The following FMN2 variants were observed in gnomAD, a reference collection of about 807,000 sequenced individuals.
The protein encoded by FMN2 is formin-2.
In FMN2, 51 loss-of-function variants were observed where a neutral mutation model predicts 142.3. That is an observed-to-expected ratio of 0.36 (90% CI 0.29 to 0.45). The LOEUF is 0.45. Among genes scored for constraint, FMN2 ranks in the 20% least tolerant of loss-of-function variants. FMN2 has a pLI of 1.00. For synonymous variants in FMN2, 882 were observed against 869.8 expected (o/e 1.01, Z -0.25); for missense variants, 1,936 against 2,122.8 (o/e 0.91, Z 1.73).
At chr1:240,166,236 ATT>A (rs1042645952) in intron 2 of FMN2, among the ~76,000 whole-genome samples, 1 of 150,070 alleles carries the variant, frequency 6.7e-6, no homozygotes. Flanking sequence ...ATTATTATTA[ATT>A]TTTTTTTGGA....
At chr1:240,446,241 T>C (rs1675808508) in intron 16 of FMN2, among the ~76,000 whole-genome samples, 1 of 152,210 alleles carries the variant, frequency 6.6e-6, no homozygotes, top group African/African-American at 2.4e-5. Flanking sequence ...CAAGAGGTGT[T>C]TTTAAAACTT....
intron 8 of FMN2, among the ~76,000 whole-genome samples, chr1:240,326,096 C>CGT (rs1325403929): frequency 1.3e-5 from 2 of 151,988 alleles, no homozygotes; most frequent in African/African-American, 2.4e-5. Context: ...AAGAATTGAC[C>CGT]GTGTGTGTGT....
intron 13 of FMN2, among the ~76,000 whole-genome samples, chr1:240,349,687 T>A (rs900947066): frequency 6.6e-6 from 1 of 152,204 alleles, no homozygotes; most frequent in African/African-American, 2.4e-5. Flanking sequence ...TCTGGCTGGG[T>A]TATTCTTTGT....
intron 6 of FMN2, among the ~76,000 whole-genome samples, chr1:240,241,757 T>C (rs1667903314): frequency 6.6e-6 from 1 of 151,802 alleles, no homozygotes; most frequent in African/African-American, 2.4e-5. Context: ...ATTGATTGGG[T>C]TGGATCATAA....
chr1:240,425,227 G>A (rs1173791624), intron 15 of FMN2, among the ~76,000 whole-genome samples: 1 of 151,802 alleles, frequency 6.6e-6, no homozygotes, highest in Non-Finnish European at 1.5e-5. Flanking sequence ...GAGAGAGAGA[G>A]AGAGAGAGCC....
intron 15 of FMN2, among the ~76,000 whole-genome samples, chr1:240,405,183 C>T (rs1674105646): frequency 6.6e-6 from 1 of 152,220 alleles, no homozygotes; most frequent in African/African-American, 2.4e-5. Flanking sequence ...ATTCTAATCA[C>T]CGTGCTCTTG....
intron 15 of FMN2, among the ~76,000 whole-genome samples, chr1:240,408,582 T>G (rs1011501952): frequency 1.3e-5 from 2 of 152,234 alleles, no homozygotes; most frequent in Non-Finnish European, 2.9e-5. Flanking sequence ...AAGTTGATTT[T>G]TATTTCAAGC....
intron 2 of FMN2, among the ~76,000 whole-genome samples, chr1:240,125,441 C>T (rs375246589): frequency 1.3e-5 from 2 of 152,128 alleles, no homozygotes; most frequent in Admixed American, 1.3e-4. Context: ...TCTTGTATGA[C>T]AGGTCTGTGT....
At chr1:240,153,954 G>GA (rs1446448033) in intron 2 of FMN2, among the ~76,000 whole-genome samples, 1 of 151,432 alleles carries the variant, frequency 6.6e-6, no homozygotes, top group Admixed American at 6.6e-5. Flanking sequence ...TGCCTCTACT[G>GA]AAAATACAAA....
At chr1:240,143,641 T>A (rs1663292175) in intron 2 of FMN2, 9 of 1,610,102 alleles carry the variant, frequency 5.6e-6, no homozygotes, top group Non-Finnish European at 7.6e-6. Context: ...TGATGCAACC[T>A]CCAGTGCAGC....
At chr1:240,470,207 G>GAAAAAA (rs11422809) in intron 16 of FMN2, among the ~76,000 whole-genome samples, 1 of 131,074 alleles carries the variant, frequency 7.6e-6, no homozygotes, top group African/African-American at 2.8e-5. Flanking sequence ...ACTAAGTGCT[G>GAAAAAA]AAAAAAAAAA....
At chr1:240,469,230 G>A (rs962504244) in intron 16 of FMN2, among the ~76,000 whole-genome samples, 1 of 152,146 alleles carries the variant, frequency 6.6e-6, no homozygotes, top group Non-Finnish European at 1.5e-5. Context: ...TCTGCCAGAT[G>A]CTACTTCTGA....
intron 6 of FMN2, among the ~76,000 whole-genome samples, chr1:240,256,584 CAAAAAAA>C (rs34087707): frequency 1.8e-5 from 2 of 111,412 alleles, no homozygotes; most frequent in Non-Finnish European, 3.7e-5. Context: ...ACTAAAAATA[CAAAAAAA>C]AAAAAAAAAA....
At chr1:240,471,499 C>T (rs1676807737) in intron 16 of FMN2, among the ~76,000 whole-genome samples, 3 of 152,098 alleles carry the variant, frequency 2.0e-5, no homozygotes, top group South Asian at 2.1e-4. Flanking sequence ...CCTCAACCTC[C>T]GAGTACCTGA....
chr1:240,475,084 C>T lies in FMN2; in HGVS notation c.*930C>T, dbSNP rs988179750. 3.9e-5 allele frequency: 6 copies of T among 152,316 alleles called. No homozygotes were observed. The highest frequency in any genetic ancestry group is 4.1e-4 in the South Asian group (2 of 4,824). 9.4% of individuals were successfully genotyped at this position (152,316 alleles called of 1,614,324 possible). ...AAATAATAGGGCATTTAACAAAGAT[C>T]GCTATGTGCAATACTGTATTTAGTG... On this transcript the variant is annotated 3_prime_UTR_variant, in exon 18 of 18. Coordinates refer to ENST00000319653, the MANE Select transcript of FMN2 (RefSeq NM_020066.5).
At chr1:240,442,533 A>G (rs944517759) in intron 16 of FMN2, among the ~76,000 whole-genome samples, 1 of 152,232 alleles carries the variant, frequency 6.6e-6, no homozygotes, top group Non-Finnish European at 1.5e-5. Flanking sequence ...GTGATTAGCA[A>G]AATGTCTTAG....
At chr1:240,470,572 A>G (rs1676776603) in intron 16 of FMN2, among the ~76,000 whole-genome samples, 1 of 152,172 alleles carries the variant, frequency 6.6e-6, no homozygotes, top group Non-Finnish European at 1.5e-5. Context: ...TCTATTGTTT[A>G]AAAAGAGGAA....
chr1:240,273,170 G>A (rs1444401441), intron 7 of FMN2, among the ~76,000 whole-genome samples: 2 of 152,106 alleles, frequency 1.3e-5, no homozygotes, highest in Non-Finnish European at 2.9e-5. Flanking sequence ...TCTGAATTGA[G>A]GAAGACATTG....
intron 6 of FMN2, among the ~76,000 whole-genome samples, chr1:240,216,670 T>A (rs926985776): frequency 6.6e-6 from 1 of 152,254 alleles, no homozygotes; most frequent in East Asian, 1.9e-4. Flanking sequence ...TTTGGTATCA[T>A]GTTTAGTCTT....
Sources: gnomAD v4.1 joint callset for allele counts (sites outside exome capture counted in the v4.1 genomes callset) on GRCh38, gnomAD v4.1.1 for gene constraint, MANE v1.5 for transcripts, NCBI Gene and HGNC (gene_info 2026-07-23, HGNC 2026-07-21) for gene names.